Variants in PLD5 observed in about 807,000 individuals in gnomAD.
The protein encoded by PLD5 is phospholipase D family member 5, also known as inactive phospholipase D5.
Under a neutral mutation model 61.1 loss-of-function variants are expected in PLD5, and 36 were observed. That is an observed-to-expected ratio of 0.59 (90% CI 0.45 to 0.78). The LOEUF (loss-of-function observed/expected upper bound fraction) is 0.78, where lower values mean the gene tolerates loss of function less well. Among genes scored for constraint, PLD5 ranks in the 30% least tolerant of loss-of-function variants. The probability of loss-of-function intolerance (pLI) is 0.00; values close to 1 mark genes in which losing one functional copy is unlikely to be tolerated. For missense variants in PLD5, 515 were observed against 644.4 expected, an observed-to-expected ratio of 0.80 and a Z score of 2.17; for synonymous variants, 243 against 242.8, an observed-to-expected ratio of 1.00 and a Z score of -0.01.
chr1:242,250,668 A>G (rs981213932), intron 4 of PLD5, among the ~76,000 whole-genome samples: 1 of 152,244 alleles, frequency 6.6e-6, no homozygotes, highest in African/African-American at 2.4e-5. Context: ...CTAATACATA[A>G]TAAAATAATA....
intron 5 of PLD5, among the ~76,000 whole-genome samples, chr1:242,145,334 GTTA>G (rs1423587865): frequency 6.6e-6 from 1 of 152,200 alleles, no homozygotes; most frequent in Non-Finnish European, 1.5e-5. Context: ...TCTTCAGGAT[GTTA>G]TTAGCACATT....
rs149728561 is a variant in PLD5 at position 242,162,394 on chromosome 1, T to C, written c.736-37729A>G. ...ACTAATTTATCAGTTGAAAAGCCAC[T>C]AGGCAATGACTACAACCATTACAGG... On this transcript the variant is annotated intron_variant, in intron 5 of 9. Transcript: ENST00000536534. Among the ~76,000 whole-genome samples the C allele has an allele frequency of 8.4e-3, 1,282 of 152,262 alleles. 21 individuals are homozygous for C. Among genetic ancestry groups the C allele is most frequent in the African/African-American group, 0.03 (1,231 of 41,532 alleles).
intron 3 of PLD5, among the ~76,000 whole-genome samples, chr1:242,272,219 G>A (rs1265826877): frequency 6.6e-6 from 1 of 152,046 alleles, no homozygotes. Flanking sequence ...TTTGAGAGCT[G>A]TAAACTGAGA....
At chr1:242,424,564 G>A (rs1212383842) in intron 1 of PLD5, among the ~76,000 whole-genome samples, 5 of 151,124 alleles carry the variant, frequency 3.3e-5, no homozygotes, top group Admixed American at 1.3e-4. Context: ...AAAAATCAGC[G>A]TGATTTTGTC....
At chr1:242,439,795 G>A (rs1039228565) in intron 1 of PLD5, among the ~76,000 whole-genome samples, 8 of 152,106 alleles carry the variant, frequency 5.3e-5, no homozygotes, top group African/African-American at 1.7e-4. Context: ...CAGAATAAGG[G>A]TCACACCTGC....
chr1:242,295,387 G>A (rs1273485908), intron 2 of PLD5, among the ~76,000 whole-genome samples: 2 of 152,204 alleles, frequency 1.3e-5, no homozygotes, highest in Non-Finnish European at 2.9e-5. Flanking sequence ...GTGAGAACAT[G>A]CAGTATTCAA....
chr1:242,490,104 A>G (rs944049325), intron 1 of PLD5, among the ~76,000 whole-genome samples: 2 of 152,208 alleles, frequency 1.3e-5, no homozygotes, highest in Non-Finnish European at 2.9e-5. Context: ...CCACACAGGA[A>G]CTGTGATATC....
chr1:242,304,945 A>T (rs1676263501), intron 2 of PLD5, among the ~76,000 whole-genome samples: 1 of 152,146 alleles, frequency 6.6e-6, no homozygotes, highest in Admixed American at 6.5e-5. Flanking sequence ...CTCTACAAAA[A>T]ATACAAAAAC....
chr1:242,523,474 T>C (rs1375571985), intron 1 of PLD5, among the ~76,000 whole-genome samples: 3 of 151,698 alleles, frequency 2.0e-5, no homozygotes, highest in Admixed American at 1.3e-4. Context: ...GAGGGGAGGA[T>C]TTCTGGGGAG....
chr1:242,218,717 T>C (rs1392234780), intron 5 of PLD5, among the ~76,000 whole-genome samples: 1 of 152,192 alleles, frequency 6.6e-6, no homozygotes, highest in African/African-American at 2.4e-5. Flanking sequence ...TTTAAAAGAT[T>C]AGTGAAATAA....
intron 1 of PLD5, among the ~76,000 whole-genome samples, chr1:242,350,897 C>CAT (rs1660436396): frequency 7.0e-6 from 1 of 142,832 alleles, no homozygotes; most frequent in Non-Finnish European, 1.5e-5. Context: ...CTGTTTTATT[C>CAT]TTTTTTTTTT....
intron 2 of PLD5, among the ~76,000 whole-genome samples, chr1:242,328,475 ATTCTACATATTTATGTG>A (rs1658961429): frequency 6.6e-6 from 1 of 152,148 alleles, no homozygotes; most frequent in South Asian, 2.1e-4. Flanking sequence ...ACATATGTGT[ATTCTACATATTTATGTG>A]TTCTACATAT....
intron 3 of PLD5, among the ~76,000 whole-genome samples, chr1:242,275,154 TAAGAA>T (rs953977024): frequency 5.9e-4 from 90 of 152,094 alleles, no homozygotes; most frequent in African/African-American, 2.1e-3. Context: ...GCTATAGTCT[TAAGAA>T]AATAAGATTT....
At chr1:242,380,549 C>T (rs747795052) in intron 1 of PLD5, among the ~76,000 whole-genome samples, 2 of 152,124 alleles carry the variant, frequency 1.3e-5, no homozygotes, top group Non-Finnish European at 2.9e-5. Flanking sequence ...AATAAACGCA[C>T]ATATCATGCA....
At chr1:242,440,675 A>G (rs538027173) in intron 1 of PLD5, among the ~76,000 whole-genome samples, 36 of 152,332 alleles carry the variant, frequency 2.4e-4, no homozygotes, top group Middle Eastern at 6.8e-3. Flanking sequence ...GATACAAGAC[A>G]CCTGCTACCT....
intron 9 of PLD5, among the ~76,000 whole-genome samples, chr1:242,090,422 T>C (rs961712304): frequency 2.6e-5 from 4 of 152,234 alleles, no homozygotes; most frequent in African/African-American, 9.6e-5. Context: ...TACAGCAACA[T>C]TTAAAATATA....
Position 242,311,773 on chromosome 1 carries a change from T to C in PLD5, c.327-23243A>G, listed in dbSNP as rs1234989984. Among the ~76,000 whole-genome samples, 9 of 152,186 alleles carry C rather than the reference T, an allele frequency of 5.9e-5. No homozygotes were observed. The South Asian group carries it at 6.2e-4, about 11-fold the overall frequency. On this transcript the variant is annotated intron_variant, in intron 2 of 9. Coordinates refer to ENST00000536534, the MANE Select transcript of PLD5 (RefSeq NM_001372062.1). Reference sequence around the variant, plus strand: ...GTCTTTCCTCAAATTGGGGGTATTTTCTGTCATTGTTTCTTCAAATAATCT... The same window carrying C: ...GTCTTTCCTCAAATTGGGGGTATTTCCTGTCATTGTTTCTTCAAATAATCT...
At chr1:242,303,590 G>A (rs1036480545) in intron 2 of PLD5, among the ~76,000 whole-genome samples, 20 of 152,166 alleles carry the variant, frequency 1.3e-4, no homozygotes, top group Admixed American at 1.2e-3. Context: ...TTTATCCTTG[G>A]ATTTATTTAT....
In PLD5 at chr1:242,524,586, G is replaced by A; in HGVS notation, c.-310C>T. On this transcript the variant is annotated 5_prime_UTR_variant, in exon 1 of 10. Coordinates refer to ENST00000536534, the MANE Select transcript of PLD5 (RefSeq NM_001372062.1). ...GAAGGGGGACGAGAGGGGACAGGGAGGGAAAGGAACCTGCTCCGGGGAGAC... is the reference window on the plus strand; with the variant it reads ...GAAGGGGGACGAGAGGGGACAGGGAAGGAAAGGAACCTGCTCCGGGGAGAC... 1 of 243,464 alleles carries A rather than the reference G, an allele frequency of 4.1e-6. No homozygotes were observed. Among genetic ancestry groups the A allele is most frequent in the Non-Finnish European group, 7.9e-6 (1 of 126,788 alleles). The allele number at this position is 243,464 out of a possible 1,614,324, so 15.1% of individuals were successfully genotyped here. A position where few individuals can be genotyped will look rare whatever the true frequency, so the allele number is the denominator to read the frequency against.
Sources: gnomAD v4.1 joint callset for allele counts (sites outside exome capture counted in the v4.1 genomes callset) on GRCh38, gnomAD v4.1.1 for gene constraint, MANE v1.5 for transcripts, NCBI Gene and HGNC (gene_info 2026-07-23, HGNC 2026-07-21) for gene names.